Variants in C3orf70 observed in about 807,000 individuals in gnomAD.
C3orf70 encodes the protein chromosome 3 open reading frame 70.
In C3orf70, 15 loss-of-function variants were observed where a neutral mutation model predicts 20.7. The ratio of observed to expected loss-of-function variants is 0.72; its 90% CI spans 0.48 to 1.11. C3orf70 has a LOEUF of 1.11. Ranked by LOEUF, C3orf70 falls within the 50% of genes most tolerant of loss-of-function variation. The probability of loss-of-function intolerance (pLI) is 0.00; values close to 1 mark genes in which losing one functional copy is unlikely to be tolerated. For missense variants in C3orf70, 332 were observed against 317.6 expected, an observed-to-expected ratio of 1.05 and a Z score of -0.34; for synonymous variants, 161 against 125.7, an observed-to-expected ratio of 1.28 and a Z score of -1.88.
chr3:185,110,442 C>G (rs1716047306), intron 1 of C3orf70, among the ~76,000 whole-genome samples: 1 of 152,200 alleles, frequency 6.6e-6, no homozygotes. Flanking sequence ...TTTGTATAGT[C>G]TGCAGATGTG....
intron 1 of C3orf70, among the ~76,000 whole-genome samples, chr3:185,084,298 T>C (rs980803768): frequency 1.3e-5 from 2 of 152,184 alleles, no homozygotes; most frequent in Admixed American, 1.3e-4. Flanking sequence ...TTTAAATGTA[T>C]GTAAGTTTAT....
At chr3:185,136,593 G>A (rs1013153721) in intron 1 of C3orf70, among the ~76,000 whole-genome samples, 8 of 152,054 alleles carry the variant, frequency 5.3e-5, no homozygotes, top group Admixed American at 3.9e-4. Flanking sequence ...CAGTGGTGGC[G>A]GGCACCTGCA....
rs552761239 is a variant in C3orf70 at position 185,083,575 on chromosome 3, C to CA, written c.197-13dup. 7.6e-4 allele frequency: 1,184 copies of CA among 1,550,028 alleles called. 7 individuals are homozygous for CA. The highest frequency in any genetic ancestry group is 6.1e-3 in the South Asian group (493 of 80,478). On this transcript the variant is annotated splice_polypyrimidine_tract_variant and intron_variant, in intron 1 of 1. Transcript: ENST00000335012. The stretch of plus-strand genomic sequence containing the variant: ...ATACATGTATTTGCCTGTGAAGACA[C>CA]AAAAAGACACTTGAAATCTATATTA...
At chr3:185,088,908 A>G (rs1033644696) in intron 1 of C3orf70, among the ~76,000 whole-genome samples, 1 of 152,154 alleles carries the variant, frequency 6.6e-6, no homozygotes, top group Non-Finnish European at 1.5e-5. Flanking sequence ...TTGGAATTCT[A>G]TGTGTGAAAT....
At chr3:185,084,676 C>T (rs575328000) in intron 1 of C3orf70, among the ~76,000 whole-genome samples, 5 of 152,172 alleles carry the variant, frequency 3.3e-5, no homozygotes, top group Non-Finnish European at 5.9e-5. Flanking sequence ...CAACTGTTTC[C>T]CACATAGTTG....
At chr3:185,109,647 C>T (rs533964132) in intron 1 of C3orf70, among the ~76,000 whole-genome samples, 80 of 152,298 alleles carry the variant, frequency 5.3e-4, no homozygotes, top group African/African-American at 1.8e-3. Context: ...TCACCACTGC[C>T]GTGAGTATTC....
chr3:185,099,360 CTAACT>C (rs2108591902), intron 1 of C3orf70, among the ~76,000 whole-genome samples: 1 of 152,302 alleles, frequency 6.6e-6, no homozygotes, highest in Non-Finnish European at 1.5e-5. Flanking sequence ...GTCCATCAGA[CTAACT>C]GTGGACTTCT....
intron 1 of C3orf70, among the ~76,000 whole-genome samples, chr3:185,087,623 C>A (rs1012685632): frequency 1.3e-5 from 2 of 152,054 alleles, no homozygotes; most frequent in Non-Finnish European, 2.9e-5. Flanking sequence ...CTCATAGAAA[C>A]CGAAAGCAAG....
chr3:185,123,329 C>T (rs1577329338), intron 1 of C3orf70, among the ~76,000 whole-genome samples: 1 of 151,838 alleles, frequency 6.6e-6, no homozygotes, highest in South Asian at 2.1e-4. Context: ...CTTGAGATCT[C>T]GGCTCTTTGA....
chr3:185,113,285 C>CAAAAAAAAAAAAAAAAAAAAAAAAAAAAA (rs55966497), intron 1 of C3orf70, among the ~76,000 whole-genome samples: 1 of 138,502 alleles, frequency 7.2e-6, no homozygotes, highest in African/African-American at 2.7e-5. Context: ...CTAAAAAATA[C>CAAAAAAAAAAAAAAAAAAAAAAAAAAAAA]AAAAAAGAAA....
intron 1 of C3orf70, among the ~76,000 whole-genome samples, chr3:185,144,975 C>A (rs1179365716): frequency 3.3e-5 from 5 of 152,164 alleles, no homozygotes. Flanking sequence ...GTAATCTACC[C>A]AAAGTCACCC....
chr3:185,152,896 C>A lies in C3orf70; in HGVS notation c.-73G>T. 7.4e-7 allele frequency: 1 copy of A among 1,347,870 alleles called. No individual in the cohort carries two copies. The highest frequency in any genetic ancestry group is 3.3e-5 in the Admixed American group (1 of 30,664). The allele number at this position is 1,347,870 out of a possible 1,614,324, so 83.5% of individuals were successfully genotyped here. A position where few individuals can be genotyped will look rare whatever the true frequency, so the allele number is the denominator to read the frequency against. ...ACGTCTGGGTGGGCAGGAAGCCGAG[C>A]CGGCTGCGGACGCGGGAGGGCGCGG... On this transcript the variant is annotated 5_prime_UTR_variant, in exon 1 of 2. Transcript: ENST00000335012.
chr3:185,123,673 T>C lies in C3orf70; in HGVS notation c.196+28955A>G, dbSNP rs534820327. The stretch of plus-strand genomic sequence containing the variant: ...TATTTCTTTATGAATATGGTTTGTC[T>C]GCTCATAATTGTGATACATATGTGA... On this transcript the variant is annotated intron_variant, in intron 1 of 1. Transcript: ENST00000335012. Among the ~76,000 whole-genome samples, 27 of 152,256 alleles carry C rather than the reference T, an allele frequency of 1.8e-4. No individual in the cohort carries two copies. The East Asian group carries it at 5.2e-3, about 29-fold the overall frequency.
intron 1 of C3orf70, among the ~76,000 whole-genome samples, chr3:185,099,186 T>C (rs1715773889): frequency 6.6e-6 from 1 of 152,196 alleles, no homozygotes; most frequent in Non-Finnish European, 1.5e-5. Flanking sequence ...TTTCCCAAGT[T>C]AGCTATAGAG....
At chr3:185,150,687 T>C (rs1297287181) in intron 1 of C3orf70, among the ~76,000 whole-genome samples, 1 of 152,180 alleles carries the variant, frequency 6.6e-6, no homozygotes, top group Non-Finnish European at 1.5e-5. Context: ...GAGGTAGTGG[T>C]CTTGTTCAAC....
At chr3:185,121,333 C>G (rs1033356321) in intron 1 of C3orf70, among the ~76,000 whole-genome samples, 7 of 150,328 alleles carry the variant, frequency 4.7e-5, no homozygotes, top group African/African-American at 1.7e-4. Flanking sequence ...CAAATTACCA[C>G]CTGTTCCCCA....
intron 1 of C3orf70, among the ~76,000 whole-genome samples, chr3:185,109,948 T>C (rs1716035789): frequency 6.6e-6 from 1 of 152,204 alleles, no homozygotes; most frequent in Admixed American, 6.5e-5. Flanking sequence ...TCATTATTAA[T>C]TGGTCCCCTA....
chr3:185,105,065 T>A (rs1715900507), intron 1 of C3orf70, among the ~76,000 whole-genome samples: 1 of 152,194 alleles, frequency 6.6e-6, no homozygotes, highest in East Asian at 1.9e-4. Context: ...CAACTAATAA[T>A]GTAGAAAGTA....
chr3:185,087,357 G>A (rs1250743589), intron 1 of C3orf70, among the ~76,000 whole-genome samples: 1 of 152,166 alleles, frequency 6.6e-6, no homozygotes, highest in Non-Finnish European at 1.5e-5. Context: ...GAGTCTCAGG[G>A]ATATTTGAAT....
Sources: allele counts gnomAD v4.1 joint callset (sites outside exome capture counted in the v4.1 genomes callset), GRCh38; gene constraint gnomAD v4.1.1; transcripts MANE v1.5; gene names NCBI Gene and HGNC (gene_info 2026-07-23, HGNC 2026-07-21).